COL1A1: variants seen among roughly 807,000 people sequenced by gnomAD.
COL1A1 encodes the protein collagen alpha-1(I) chain.
Under a neutral mutation model 195.7 loss-of-function variants are expected in COL1A1, and 21 were observed. The ratio of observed to expected loss-of-function variants is 0.11; its 90% CI spans 0.08 to 0.15. The LOEUF is 0.15. Among genes scored for constraint, COL1A1 ranks in the 10% least tolerant of loss-of-function variants. COL1A1 has a pLI of 1.00. For missense variants in COL1A1, 1,365 were observed against 2,051.0 expected, an observed-to-expected ratio of 0.67 and a Z score of 6.46; for synonymous variants, 749 against 747.3, an observed-to-expected ratio of 1.00 and a Z score of -0.04.
intron 25 of COL1A1, 31 bp from the exon 26 acceptor site, chr17:50,193,078 G>A: frequency 6.2e-7 from 1 of 1,611,380 alleles, no homozygotes; most frequent in Non-Finnish European, 8.5e-7. Context: ...GGTTGAGGGG[G>A]CTGAAGTGAG....
Position 50,188,966 on chromosome 17 carries a change from A to C in COL1A1, c.2982T>G (p.Arg994=). ...GGGGGCCCATGGGACCAGGGGGACCACGTTCACCACTTGCTCCAGAGGGAC... is the reference window on the plus strand; with the variant it reads ...GGGGGCCCATGGGACCAGGGGGACCCCGTTCACCACTTGCTCCAGAGGGAC... ...KQGPSGASGE[R]GPPGPMGPPG... The change falls in exon 41 of 51, where the codon CGT becomes CGG. Residue 994 remains arginine (R), a synonymous_variant. Transcript: ENST00000225964. This position sits in a 1 kb window ranked among gnomAD's most constrained non-coding sequence, Gnocchi z 5.6. The C allele has an allele frequency of 6.2e-7, 1 of 1,613,998 alleles. No individual in the cohort carries two copies. The highest frequency in any genetic ancestry group is 8.5e-7 in the Non-Finnish European group (1 of 1,179,934).
Position 50,199,907 on chromosome 17 carries a change from A to G in COL1A1, c.144T>C (p.His48=), listed in dbSNP as rs374065372. The change falls in exon 2 of 51, where the codon CAT becomes CAC. Residue 48 remains histidine, a synonymous_variant. Coordinates refer to ENST00000225964, the MANE Select transcript of COL1A1 (RefSeq NM_000088.4). ...GCTCGGGTTTCCACACGTCTCGGTC[A>G]TGGTACCTGAGGCCGTTCTGTACGC... ...ITCVQNGLRY[H]DRDVWKPEPC... is the part of the protein sequence containing the mutation. 28 of 1,614,126 alleles carry G rather than the reference A, an allele frequency of 1.7e-5. 1 individual carries two copies. The South Asian group carries it at 2.9e-4, about 16-fold the overall frequency.
Position 50,195,065 on chromosome 17 carries a change from A to T in COL1A1, c.1335T>A (p.Thr445=), listed in dbSNP as rs2144574576. 2 of 1,613,740 alleles carry T rather than the reference A, an allele frequency of 1.2e-6. No homozygotes were observed. The highest frequency in any genetic ancestry group is 2.2e-5 in the East Asian group (1 of 44,876). Residue 445 remains threonine, a synonymous_variant, in exon 20 of 51, where the codon ACT becomes ACA. Coordinates refer to ENST00000225964, the MANE Select transcript of COL1A1 (RefSeq NM_000088.4). This position sits in a 1 kb window ranked among gnomAD's most constrained non-coding sequence, Gnocchi z 4.3. The part of the protein sequence containing the change: ...EPGAPGSKGD[T]GAKGEPGPVG... ...GACTTACAGGCTCTCCCTTAGCACC[A>T]GTGTCTCCTTTGCTGCCAGGAGCAC...
intron 28 of COL1A1, 46 bp downstream of exon 28, chr17:50,192,594 T>C: frequency 1.2e-6 from 2 of 1,613,978 alleles, no homozygotes; most frequent in Non-Finnish European, 1.7e-6. Context: ...CAAAGAGGTG[T>C]TTCCTACCCC....
In COL1A1 at chr17:50,201,567, G is replaced by A; in HGVS notation, c.-54C>T. 1.3e-6 allele frequency: 2 copies of A among 1,502,990 alleles called. No homozygotes were observed. Among genetic ancestry groups the A allele is most frequent in the Non-Finnish European group, 9.0e-7 (1 of 1,108,480 alleles). The allele number at this position is 1,502,990 out of a possible 1,614,324, so 93.1% of individuals were successfully genotyped here. A position where few individuals can be genotyped will look rare whatever the true frequency, so the allele number is the denominator to read the frequency against. On this transcript the variant is annotated 5_prime_UTR_variant, in exon 1 of 51. Coordinates refer to ENST00000225964, the MANE Select transcript of COL1A1 (RefSeq NM_000088.4). ...GTGGCTGGGGAGGGGGTTAGCGTCC[G>A]CTCATGCGTGGCCTCACACTCCGCG...
intron 26 of COL1A1, 67 bp from the exon 27 acceptor site, chr17:50,192,917 T>C (rs546009199): frequency 1.2e-6 from 2 of 1,612,268 alleles, no homozygotes; most frequent in African/African-American, 2.7e-5. Context: ...CCGTGGCCTC[T>C]AGCACCCCTC....
chr17:50,195,946 A>G lies in COL1A1; in HGVS notation c.1033T>C (p.Phe345Leu). 2.5e-6 allele frequency: 4 copies of G among 1,592,700 alleles called. No individual in the cohort carries two copies. The South Asian group carries it at 4.6e-5, about 18-fold the overall frequency. The change falls in exon 16 of 51, where the codon TTC becomes CTC. Residue 345 changes from phenylalanine to leucine, a missense_variant. Around this residue, in one of 5 missense-constraint regions of COL1A1, gnomAD observed 226 missense variants for 372.9 expected, o/e 0.61. Transcript: ENST00000225964. The surrounding 1 kb of genome is among the most constrained non-coding windows in gnomAD (Gnocchi z 4.3). ...GPTGPAGPPG[F>L]PGAVGAKGEA... ...ACCTTAGCACCAACAGCACCAGGGA[A>G]GCCAGGAGGACCAGCGGGGCCGGTG...
At chr17:50,187,611 C>T in intron 45 of COL1A1, 74 bp from the exon 46 acceptor site, 1 of 1,543,836 alleles carries the variant, frequency 6.5e-7, no homozygotes, top group Non-Finnish European at 8.9e-7. Context: ...GCTGGAGAGA[C>T]AAGGGCAGTG....
rs147104425 is a variant in COL1A1, at chr17:50,186,343, C to G, written c.3979G>C (p.Gly1327Arg). The G allele has an allele frequency of 2.5e-6, 4 of 1,614,200 alleles. No homozygotes were observed. The highest frequency in any genetic ancestry group is 2.5e-6 in the Non-Finnish European group (3 of 1,180,048). ...TGGAATCCATCGGTCATGCTCTCGC[C>G]GAACCAGACATGCCTCTTGTCCTTG... ...NPKDKRHVWF[G>R]ESMTDGFQFE... The change falls in exon 49 of 51, where the codon GGC becomes CGC. Residue 1327 changes from glycine to arginine, a missense_variant. By Grantham distance (125) the Gly-to-Arg change is moderately radical. Around this residue, in one of 5 missense-constraint regions of COL1A1, gnomAD observed 273 missense variants for 338.6 expected, o/e 0.81. Transcript: ENST00000225964. This position sits in a 1 kb window ranked among gnomAD's most constrained non-coding sequence, Gnocchi z 5.3.
Position 50,194,927 on chromosome 17 carries a change from T to A in COL1A1, c.1354-99A>T. The stretch of plus-strand genomic sequence containing the variant: ...CTGGGCCTCCAGTGTCAGGGGTTCC[T>A]GGGGGTGTGGCAGGGACTCCCCCAG... On this transcript the variant is annotated intron_variant, in intron 20 of 50. Coordinates refer to ENST00000225964, the MANE Select transcript of COL1A1 (RefSeq NM_000088.4). This position sits in a 1 kb window ranked among gnomAD's most constrained non-coding sequence, Gnocchi z 6.8. 6.8e-7 allele frequency: 1 copy of A among 1,476,354 alleles called. No individual in the cohort carries two copies. 91.5% of individuals were successfully genotyped at this position (1,476,354 alleles called of 1,614,324 possible).
rs371904584 is a variant in COL1A1, at chr17:50,186,699, C to A, written c.3755G>T (p.Arg1252Leu). ...IENIRSPEGS[R>L]KNPARTCRDL... is the part of the protein sequence containing the mutation. ...ACGGCAGGTGCGGGCGGGGTTCTTG[C>A]GGCTGCCCTCTGGGCTCCGGATGTT... Residue 1252 changes from arginine (R) to leucine (L), a missense_variant, in exon 48 of 51, where the codon CGC becomes CTC. Arg to Leu is a moderately radical substitution (Grantham distance 102). This residue lies in a region of COL1A1 where 273 missense variants were observed against 338.6 expected (regional missense o/e 0.81). Coordinates refer to ENST00000225964, the MANE Select transcript of COL1A1 (RefSeq NM_000088.4). This position sits in a 1 kb window ranked among gnomAD's most constrained non-coding sequence, Gnocchi z 5.3. The A allele has an allele frequency of 6.2e-7, 1 of 1,613,402 alleles. No homozygotes were observed. The highest frequency in any genetic ancestry group is 1.7e-5 in the Admixed American group (1 of 60,004).
rs762315953 is a variant in COL1A1, at chr17:50,199,564, C to G, written c.325G>C (p.Gly109Arg). 3.7e-5 allele frequency: 60 copies of G among 1,614,038 alleles called. No individual in the cohort carries two copies. In the Admixed American group the frequency reaches 7.3e-4, roughly 20 times the overall value. ...CGAGGGCAGGAGATTACCTCGACGC[C>G]GGTGGTTTCTTGGTCGGTGGGTGAC... ...SESPTDQETT[G>R]VEGPKGDTGP... The change falls in exon 3 of 51, where the codon GGC becomes CGC. Residue 109 changes from glycine to arginine, a missense_variant. Around this residue, in one of 5 missense-constraint regions of COL1A1, gnomAD observed 194 missense variants for 221.7 expected, o/e 0.88. Coordinates refer to ENST00000225964, the MANE Select transcript of COL1A1 (RefSeq NM_000088.4).
Position 50,195,491 on chromosome 17 carries a change from G to A in COL1A1, c.1156-13C>T. ...CACCAGGGTTTCCCTGTGGCACAGA[G>A]AAAGGAGTGTCAGCAACAGGCAAGG... On this transcript the variant is annotated splice_polypyrimidine_tract_variant and intron_variant, in intron 17 of 50. Coordinates refer to ENST00000225964, the MANE Select transcript of COL1A1 (RefSeq NM_000088.4). The surrounding 1 kb of genome is among the most constrained non-coding windows in gnomAD (Gnocchi z 4.3). 6.2e-7 allele frequency: 1 copy of A among 1,614,142 alleles called. No individual in the cohort carries two copies. The highest frequency in any genetic ancestry group is 8.5e-7 in the Non-Finnish European group (1 of 1,180,014).
Position 50,185,576 on chromosome 17 carries a change from C to T in COL1A1, c.4321G>A (p.Asp1441Asn), listed in dbSNP as rs72656351. 2.5e-5 allele frequency: 41 copies of T among 1,612,324 alleles called. No homozygotes were observed. Among genetic ancestry groups the T allele is most frequent in the Non-Finnish European group, 3.2e-5 (38 of 1,179,724 alleles). Residue 1441 changes from aspartate to asparagine, a missense_variant, in exon 51 of 51, where the codon GAT becomes AAT. Physicochemically the swap from Asp to Asn is conservative, Grantham distance 23. Around this residue, in one of 5 missense-constraint regions of COL1A1, gnomAD observed 273 missense variants for 338.6 expected, o/e 0.81. Coordinates refer to ENST00000225964, the MANE Select transcript of COL1A1 (RefSeq NM_000088.4). ...GCACCAACGTCCAAGGGGGCCACAT[C>T]GATGATGGGCAGGCGGGAGGTCTTG... ...TTKTSRLPII[D>N]VAPLDVGAPD...
chr17:50,188,204 C>G lies in COL1A1; in HGVS notation c.3208-55G>C. The G allele has an allele frequency of 1.4e-6, 2 of 1,476,834 alleles. No homozygotes were observed. Among genetic ancestry groups the G allele is most frequent in the Non-Finnish European group, 1.8e-6 (2 of 1,095,346 alleles). 91.5% of individuals were successfully genotyped at this position (1,476,834 alleles called of 1,614,324 possible). On this transcript the variant is annotated intron_variant, in intron 43 of 50. Coordinates refer to ENST00000225964, the MANE Select transcript of COL1A1 (RefSeq NM_000088.4). The surrounding 1 kb of genome is among the most constrained non-coding windows in gnomAD (Gnocchi z 5.6). The stretch of plus-strand genomic sequence containing the variant: ...TGGCCAGGGAAGGCTGAGGCTGGGG[C>G]TGCAGGATGAGGCCTCCCCTCTGCT...
chr17:50,185,195 C>T lies in COL1A1; in HGVS notation c.*307G>A, dbSNP rs1462195160. On this transcript the variant is annotated 3_prime_UTR_variant, in exon 51 of 51. Coordinates refer to ENST00000225964, the MANE Select transcript of COL1A1 (RefSeq NM_000088.4). ...GCCCAACGGGCAGAAAGGGACTTAC[C>T]CCCGCATGGGTCTTCAAGCAAGTGG... 1 of 382,162 alleles carries T rather than the reference C, an allele frequency of 2.6e-6. No individual in the cohort carries two copies. Among genetic ancestry groups the T allele is most frequent in the East Asian group, 4.6e-5 (1 of 21,864 alleles). 23.7% of individuals were successfully genotyped at this position (382,162 alleles called of 1,614,324 possible).
At position 50,188,054 on chromosome 17, in the gene COL1A1, T is replaced by C. The variant is rs1210334290; in HGVS notation, c.3261+42A>G. The C allele has an allele frequency of 3.1e-6, 5 of 1,613,358 alleles. No homozygotes were observed. The African/African-American group carries it at 6.7e-5, about 22-fold the overall frequency. On this transcript the variant is annotated intron_variant, in intron 44 of 50. Transcript: ENST00000225964. This position sits in a 1 kb window ranked among gnomAD's most constrained non-coding sequence, Gnocchi z 5.6. Reference sequence around the variant, plus strand: ...CATCGAGTGGGGCACTGTCTGCATCTGTAGAGTTCTAAAGGCATGGGGGAC... The same window carrying C: ...CATCGAGTGGGGCACTGTCTGCATCCGTAGAGTTCTAAAGGCATGGGGGAC...
In COL1A1 at chr17:50,185,921, G is replaced by C; in HGVS notation, c.4105C>G (p.His1369Asp). ...STEASQNITYHCKNSVAYMDQ... is the reference protein window; with the variant it reads ...STEASQNITYDCKNSVAYMDQ... ...ATGTAGGCCACGCTGTTCTTGCAGT[G>C]GTAGGTGATGTTCTGGGAGGCCTCG... The change falls in exon 50 of 51, where the codon CAC becomes GAC. Residue 1369 changes from histidine (H) to aspartate (D), a missense_variant. Physicochemically the swap from His to Asp is moderately conservative, Grantham distance 81 (BLOSUM62 -1). Transcript: ENST00000225964. The C allele has an allele frequency of 6.2e-7, 1 of 1,614,132 alleles. No individual in the cohort carries two copies.
At chr17:50,187,403 G>C in intron 46 of COL1A1, 81 bp downstream of exon 46, 1 of 1,425,034 alleles carries the variant, frequency 7.0e-7, no homozygotes, top group Non-Finnish European at 9.9e-7. Flanking sequence ...AGAGGCAAAG[G>C]GTGCCTGGGT....
Sources: allele counts gnomAD v4.1 joint callset, GRCh38; gene constraint gnomAD v4.1.1; regional missense constraint gnomAD v4.1.1; non-coding constraint Gnocchi (gnomAD v3.1); transcripts MANE v1.5; gene names NCBI Gene and HGNC (gene_info 2026-07-23, HGNC 2026-07-21).